The following UNC13C variants were observed in gnomAD, a reference collection of about 807,000 sequenced individuals.
The protein encoded by UNC13C is unc-13 homolog C.
UNC13C carries 174 observed loss-of-function variants against 245.4 expected under a neutral mutation model. That is an observed-to-expected ratio of 0.71 (90% confidence interval 0.63 to 0.80). UNC13C has a LOEUF of 0.80. Ranked by LOEUF, UNC13C falls within the 30% of genes least tolerant of loss-of-function variation. The pLI, the probability that UNC13C is intolerant of heterozygous loss-of-function variation, is 0.00. For synonymous variants in UNC13C, 992 were observed against 895.1 expected (o/e 1.11, Z -1.93); for missense variants, 2,829 against 2,602.9 (o/e 1.09, Z -1.89).
intron 1 of UNC13C, among the ~76,000 whole-genome samples, chr15:54,011,200 G>A (rs920898566): frequency 3.9e-5 from 6 of 152,170 alleles, no homozygotes; most frequent in African/African-American, 9.7e-5. Context: ...AAGTGAGTTC[G>A]TGTGTGCAAC....
intron 4 of UNC13C, among the ~76,000 whole-genome samples, chr15:54,155,748 A>C (rs191398733): frequency 2.7e-4 from 41 of 152,286 alleles, no homozygotes; most frequent in African/African-American, 9.6e-4. Context: ...GAGAAGCTGC[A>C]TTTCTGATTT....
intron 30 of UNC13C, among the ~76,000 whole-genome samples, chr15:54,589,623 A>G (rs150721530): frequency 0.042 from 6,320 of 151,806 alleles, 240 homozygotes; most frequent in Admixed American, 0.12. Flanking sequence ...TCTTTTGAGA[A>G]TTGTCTAGTT....
chr15:54,267,170 T>C (rs921344860), intron 10 of UNC13C, among the ~76,000 whole-genome samples: 7 of 152,126 alleles, frequency 4.6e-5, no homozygotes, highest in African/African-American at 1.7e-4. Flanking sequence ...TGTGGACATA[T>C]GTTTTTATTT....
At chr15:54,513,977 G>A (rs1162306336) in intron 24 of UNC13C, among the ~76,000 whole-genome samples, 1 of 152,096 alleles carries the variant, frequency 6.6e-6, no homozygotes, top group African/African-American at 2.4e-5. Context: ...GAAATGTCAG[G>A]AGGAAGCAAG....
chr15:53,853,439 T>C, the UNC13C span, among the ~76,000 whole-genome samples: 2 of 152,226 alleles, frequency 1.3e-5, no homozygotes, highest in Non-Finnish European at 2.9e-5. Context: ...GTCCTTGCTA[T>C]TGTGAATAGT....
intron 2 of UNC13C, among the ~76,000 whole-genome samples, chr15:54,107,917 GA>G (rs2141168444): frequency 6.6e-6 from 1 of 152,298 alleles, no homozygotes; most frequent in East Asian, 1.9e-4. Context: ...TGAGAGGATT[GA>G]AATTTTGTCC....
At chr15:54,332,532 C>G (rs2038466534) in intron 15 of UNC13C, among the ~76,000 whole-genome samples, 1 of 151,924 alleles carries the variant, frequency 6.6e-6, no homozygotes, top group African/African-American at 2.4e-5. Context: ...ATTCTCTTTC[C>G]TCCTGGATCG....
chr15:54,625,194 A>G (rs559733925), intron 32 of UNC13C, among the ~76,000 whole-genome samples: 10 of 152,160 alleles, frequency 6.6e-5, no homozygotes, highest in Non-Finnish European at 1.2e-4. Flanking sequence ...AGCCAGGGAA[A>G]TAAAGACTCT....
the UNC13C span, among the ~76,000 whole-genome samples, chr15:53,937,711 G>C: frequency 1.3e-5 from 2 of 152,196 alleles, no homozygotes; most frequent in Non-Finnish European, 2.9e-5. Flanking sequence ...CAAGCCAGAA[G>C]AGAGTGGGGG....
chr15:54,126,926 A>G (rs992709101), intron 2 of UNC13C, among the ~76,000 whole-genome samples: 1 of 152,246 alleles, frequency 6.6e-6, no homozygotes, highest in African/African-American at 2.4e-5. Context: ...AAAAGAAGAC[A>G]TTTATGCGGC....
At chr15:54,161,391 G>A (rs536116618) in intron 4 of UNC13C, among the ~76,000 whole-genome samples, 10 of 152,230 alleles carry the variant, frequency 6.6e-5, no homozygotes, top group Non-Finnish European at 1.0e-4. Flanking sequence ...CATGGACATC[G>A]TTTGACAGTG....
intron 23 of UNC13C, among the ~76,000 whole-genome samples, 195 bp downstream of exon 23, chr15:54,507,389 G>A (rs1894521612): frequency 6.6e-6 from 1 of 152,048 alleles, no homozygotes; most frequent in African/African-American, 2.4e-5. Flanking sequence ...GGTAGAGAGT[G>A]TCTCAATGCC....
chr15:54,407,526 G>C (rs747769872), intron 18 of UNC13C, among the ~76,000 whole-genome samples: 3 of 152,126 alleles, frequency 2.0e-5, no homozygotes, highest in Non-Finnish European at 2.9e-5. Context: ...TACAGGCTTC[G>C]GAAGAACTTG....
chr15:53,963,872 C>T, the UNC13C span, among the ~76,000 whole-genome samples: 1 of 152,104 alleles, frequency 6.6e-6, no homozygotes, highest in Non-Finnish European at 1.5e-5. Flanking sequence ...GGAAATAAAA[C>T]AGGCTGGATG....
At chr15:53,960,977 T>C in the UNC13C span, among the ~76,000 whole-genome samples, 1 of 152,234 alleles carries the variant, frequency 6.6e-6, no homozygotes, top group East Asian at 1.9e-4. Flanking sequence ...TTGTTTGCTC[T>C]GTGTATGTGT....
rs3985786 is a variant in UNC13C, at chr15:54,017,484, A to ATGTGTG, written c.2983+1623_2983+1628dup. On this transcript the variant is annotated intron_variant, in intron 2 of 32. Coordinates refer to ENST00000260323, the MANE Select transcript of UNC13C (RefSeq NM_001080534.3). ...AATGAAGACTAAGAAGTGCATGAGCATGTGTGTGTGTGTGTGTGTGTGTGT... is the reference window on the plus strand; with the variant it reads ...AATGAAGACTAAGAAGTGCATGAGCATGTGTGTGTGTGTGTGTGTGTGTGTGTGTGT... Among the ~76,000 whole-genome samples, 666 of 147,582 alleles carry ATGTGTG rather than the reference A, an allele frequency of 4.5e-3. 4 individuals carry two copies. Among genetic ancestry groups the ATGTGTG allele is most frequent in the African/African-American group, 0.013 (537 of 40,312 alleles).
intron 26 of UNC13C, among the ~76,000 whole-genome samples, chr15:54,544,507 G>A (rs779419719): frequency 7.2e-5 from 11 of 152,198 alleles, no homozygotes; most frequent in Non-Finnish European, 1.6e-4. Flanking sequence ...AAGTCAAATT[G>A]TCTCTGTTTG....
chr15:54,357,695 G>A (rs1163120712), intron 17 of UNC13C, among the ~76,000 whole-genome samples: 1 of 152,002 alleles, frequency 6.6e-6, no homozygotes, highest in African/African-American at 2.4e-5. Flanking sequence ...GTAATCTGGG[G>A]AGATAATTAC....
intron 8 of UNC13C, among the ~76,000 whole-genome samples, chr15:54,255,496 T>C (rs918023507): frequency 1.8e-4 from 27 of 152,130 alleles, no homozygotes; most frequent in African/African-American, 6.0e-4. Flanking sequence ...ATGCTCCCAT[T>C]GGTGTCCTCT....
Sources: allele counts gnomAD v4.1 joint callset (sites outside exome capture counted in the v4.1 genomes callset), GRCh38; gene constraint gnomAD v4.1.1; transcripts MANE v1.5; gene names NCBI Gene and HGNC (gene_info 2026-07-23, HGNC 2026-07-21).